The following JAZF1 variants were observed in gnomAD, a reference collection of about 807,000 sequenced individuals.
JAZF1 encodes juxtaposed with another zinc finger protein 1.
A neutral mutation model predicts 26.4 loss-of-function variants in JAZF1; 8 were observed. That is an observed-to-expected ratio of 0.30 (90% CI 0.18 to 0.55). The LOEUF (loss-of-function observed/expected upper bound fraction) is 0.55, where lower values mean the gene tolerates loss of function less well. Ranked by LOEUF, JAZF1 falls within the 20% of genes least tolerant of loss-of-function variation. JAZF1 has a pLI of 0.94. For synonymous variants in JAZF1, 126 were observed against 122.3 expected (o/e 1.03, Z -0.20); for missense variants, 199 against 322.0 (o/e 0.62, Z 2.92).
intron 2 of JAZF1, among the ~76,000 whole-genome samples, chr7:27,973,502 T>C (rs1785414501): frequency 6.6e-6 from 1 of 152,192 alleles, no homozygotes; most frequent in Non-Finnish European, 1.5e-5. Context: ...TCTTGCTTTG[T>C]TGCCAAGGCT....
chr7:28,078,559 C>A (rs1349128453), intron 1 of JAZF1, among the ~76,000 whole-genome samples: 1 of 152,196 alleles, frequency 6.6e-6, no homozygotes, highest in Non-Finnish European at 1.5e-5. Context: ...AGATTAATTT[C>A]ATGTAACCAA....
intron 3 of JAZF1, chr7:27,843,965 G>T (rs1233250574): frequency 6.6e-6 from 1 of 152,254 alleles, no homozygotes; most frequent in Non-Finnish European, 1.5e-5. Context: ...TCTCTCTTGA[G>T]AACAGTCCCC....
chr7:27,937,689 G>T (rs576459388), intron 2 of JAZF1, among the ~76,000 whole-genome samples: 1 of 152,254 alleles, frequency 6.6e-6, no homozygotes, highest in South Asian at 2.1e-4. Context: ...TATAACAACA[G>T]AATCAATATG....
At chr7:28,137,300 G>C (rs894654540) in intron 1 of JAZF1, among the ~76,000 whole-genome samples, 3 of 152,142 alleles carry the variant, frequency 2.0e-5, no homozygotes, top group African/African-American at 7.2e-5. Flanking sequence ...CACTCTCACC[G>C]CTGTGAAAAG....
chr7:28,138,812 T>C (rs1170786597), intron 1 of JAZF1, among the ~76,000 whole-genome samples: 1 of 152,186 alleles, frequency 6.6e-6, no homozygotes, highest in Non-Finnish European at 1.5e-5. Flanking sequence ...GGCCCCAGAC[T>C]TACCACTTGT....
intron 2 of JAZF1, among the ~76,000 whole-genome samples, chr7:27,986,864 C>G (rs1785725703): frequency 6.6e-6 from 1 of 152,188 alleles, no homozygotes; most frequent in Non-Finnish European, 1.5e-5. Flanking sequence ...GCCGTGTTGG[C>G]CGGGCTGGTC....
Position 28,120,501 on chromosome 7 carries a change from C to CTTTTTTTTTTTTTTTTT in JAZF1, c.115+59945_115+59961dup, listed in dbSNP as rs58448766. 4.2e-3 allele frequency among the ~76,000 whole-genome samples: 248 copies of CTTTTTTTTTTTTTTTTT among 59,014 alleles called. 69 individuals are homozygous for CTTTTTTTTTTTTTTTTT. The highest frequency in any genetic ancestry group is 0.018 in the East Asian group (17 of 920). 38.7% of individuals were successfully genotyped at this position (59,014 alleles called of 152,430 possible). A position where few individuals can be genotyped will look rare whatever the true frequency, so the allele number is the denominator to read the frequency against. On this transcript the variant is annotated intron_variant, in intron 1 of 4. Coordinates refer to ENST00000283928, the MANE Select transcript of JAZF1 (RefSeq NM_175061.4). The stretch of plus-strand genomic sequence containing the variant: ...TCTGAACCACTAGCCACACACAGTT[C>CTTTTTTTTTTTTTTTTT]TTTTTTTTTTTTTTTTTTTTTTTTT...
At chr7:27,947,869 T>G (rs1442291659) in intron 2 of JAZF1, among the ~76,000 whole-genome samples, 1 of 152,142 alleles carries the variant, frequency 6.6e-6, no homozygotes, top group African/African-American at 2.4e-5. Context: ...AGACGGACAC[T>G]CTGATGACTA....
intron 1 of JAZF1, among the ~76,000 whole-genome samples, chr7:28,016,744 C>G (rs1331360476): frequency 6.6e-6 from 1 of 152,172 alleles, no homozygotes; most frequent in African/African-American, 2.4e-5. Flanking sequence ...CCCTAAAGAG[C>G]CTGTTGAAGT....
chr7:28,042,669 G>A (rs987610398), intron 1 of JAZF1, among the ~76,000 whole-genome samples: 11 of 152,258 alleles, frequency 7.2e-5, no homozygotes, highest in Non-Finnish European at 1.5e-4. Flanking sequence ...GAACACTTAC[G>A]TGATGGTGGT....
At chr7:28,149,319 C>T (rs1478567749) in intron 1 of JAZF1, among the ~76,000 whole-genome samples, 2 of 152,034 alleles carry the variant, frequency 1.3e-5, no homozygotes, top group African/African-American at 4.8e-5. Context: ...GGAAAAAGTG[C>T]CAAAGAAGTA....
chr7:27,997,593 CT>C (rs2128366744), intron 1 of JAZF1, among the ~76,000 whole-genome samples: 2 of 152,308 alleles, frequency 1.3e-5, no homozygotes, highest in African/African-American at 4.8e-5. Context: ...GAGTCAAAGT[CT>C]TGCTCTATTG....
chr7:28,095,181 A>G (rs1039207044), intron 1 of JAZF1, among the ~76,000 whole-genome samples: 1 of 152,178 alleles, frequency 6.6e-6, no homozygotes, highest in East Asian at 1.9e-4. Context: ...CAAGAGCACC[A>G]CAATCATTCT....
chr7:28,004,986 G>C (rs1782674492), intron 1 of JAZF1, among the ~76,000 whole-genome samples: 1 of 152,104 alleles, frequency 6.6e-6, no homozygotes, highest in African/African-American at 2.4e-5. Flanking sequence ...TTGGGACTCA[G>C]GTTTATTTCC....
At chr7:28,034,823 G>C (rs1783257199) in intron 1 of JAZF1, among the ~76,000 whole-genome samples, 2 of 152,128 alleles carry the variant, frequency 1.3e-5, no homozygotes, top group South Asian at 4.2e-4. Context: ...GACAAATCCT[G>C]CTTCCCTGTT....
At chr7:27,957,009 A>T (rs1210537869) in intron 2 of JAZF1, among the ~76,000 whole-genome samples, 1 of 152,166 alleles carries the variant, frequency 6.6e-6, no homozygotes, top group African/African-American at 2.4e-5. Context: ...TCATAAAGCC[A>T]TTTGTCAATG....
At chr7:27,945,052 A>G (rs1022934148) in intron 2 of JAZF1, among the ~76,000 whole-genome samples, 1 of 152,138 alleles carries the variant, frequency 6.6e-6, no homozygotes, top group Non-Finnish European at 1.5e-5. Context: ...GACCCACAGG[A>G]AAACAGTTCT....
chr7:28,023,811 G>A (rs1310720832), intron 1 of JAZF1, among the ~76,000 whole-genome samples: 2 of 152,306 alleles, frequency 1.3e-5, no homozygotes, highest in Non-Finnish European at 2.9e-5. Context: ...TGTAATAAAT[G>A]CTTGGTAAAT....
In JAZF1 at chr7:28,019,381, A is replaced by C. The variant is rs148294918; in HGVS notation, c.116-27400T>G. 3.2e-3 allele frequency among the ~76,000 whole-genome samples: 482 copies of C among 152,266 alleles called. 5 individuals carry two copies. Among genetic ancestry groups the C allele is most frequent in the African/African-American group, 0.011 (467 of 41,552 alleles). On this transcript the variant is annotated intron_variant, in intron 1 of 4. Transcript: ENST00000283928. Reference sequence around the variant, plus strand: ...GTGGCAACCTCTGCCGGCTTGGATTATGCCCCTTCTCATATTCCACCTTAG... The same window carrying C: ...GTGGCAACCTCTGCCGGCTTGGATTCTGCCCCTTCTCATATTCCACCTTAG...
Sources: allele counts gnomAD v4.1 joint callset (sites outside exome capture counted in the v4.1 genomes callset), GRCh38; gene constraint gnomAD v4.1.1; transcripts MANE v1.5; gene names NCBI Gene and HGNC (gene_info 2026-07-23, HGNC 2026-07-21).